PABPC4L: variants seen among roughly 807,000 people sequenced by gnomAD.
PABPC4L encodes the protein poly(A) binding protein cytoplasmic 4 like, also known as polyadenylate-binding protein 4-like.
For missense variants in PABPC4L, 452 were observed against 451.4 expected (o/e 1.00, Z -0.01); for synonymous variants, 169 against 164.1 (o/e 1.03, Z -0.23).
At chr4:134,094,132 G>T in the PABPC4L span, among the ~76,000 whole-genome samples, 1 of 151,756 alleles carries the variant, frequency 6.6e-6, no homozygotes, top group Admixed American at 6.6e-5. Flanking sequence ...ATTATTTTGG[G>T]TAACATAAAT....
At chr4:134,037,472 G>A in the PABPC4L span, among the ~76,000 whole-genome samples, 1 of 152,056 alleles carries the variant, frequency 6.6e-6, no homozygotes, top group Non-Finnish European at 1.5e-5. Context: ...GCTTGATGGT[G>A]TGCCAAGGAC....
At chr4:134,114,227 C>T in the PABPC4L span, among the ~76,000 whole-genome samples, 1 of 151,668 alleles carries the variant, frequency 6.6e-6, no homozygotes, top group African/African-American at 2.4e-5. Flanking sequence ...CTCTTCACAT[C>T]TGTCACACAG....
chr4:134,144,519 G>A, the PABPC4L span, among the ~76,000 whole-genome samples: 3 of 149,656 alleles, frequency 2.0e-5, no homozygotes, highest in African/African-American at 7.4e-5. Flanking sequence ...GACTGAAGCA[G>A]GGACACAGAA....
At chr4:134,189,830 A>T in the PABPC4L span, among the ~76,000 whole-genome samples, 2 of 151,906 alleles carry the variant, frequency 1.3e-5, no homozygotes, top group African/African-American at 4.8e-5. Context: ...TTGTGTATTT[A>T]CTTTCCCCTG....
the PABPC4L span, among the ~76,000 whole-genome samples, chr4:134,178,915 A>T: frequency 6.6e-6 from 1 of 152,278 alleles, no homozygotes; most frequent in Admixed American, 6.5e-5. Context: ...CACCAAATTT[A>T]TGACTCACTG....
At chr4:134,059,904 C>T in the PABPC4L span, among the ~76,000 whole-genome samples, 1 of 152,054 alleles carries the variant, frequency 6.6e-6, no homozygotes, top group African/African-American at 2.4e-5. Context: ...ATTCACAGTA[C>T]CTGGTTTTAA....
the PABPC4L span, among the ~76,000 whole-genome samples, chr4:134,052,272 T>C: frequency 6.6e-6 from 1 of 152,110 alleles, no homozygotes; most frequent in South Asian, 2.1e-4. Context: ...CAATATATTC[T>C]AAATTTAAAG....
At chr4:134,108,752 A>G in the PABPC4L span, among the ~76,000 whole-genome samples, 2 of 151,630 alleles carry the variant, frequency 1.3e-5, no homozygotes, top group Non-Finnish European at 3.0e-5. Flanking sequence ...CTAGACCCTG[A>G]TTTTTTTCTT....
At chr4:134,064,390 G>C in the PABPC4L span, among the ~76,000 whole-genome samples, 1 of 151,974 alleles carries the variant, frequency 6.6e-6, no homozygotes, top group South Asian at 2.1e-4. Context: ...TTATAATAAA[G>C]AGGCAAAGCA....
At chr4:134,035,424 G>A in the PABPC4L span, among the ~76,000 whole-genome samples, 1 of 120,832 alleles carries the variant, frequency 8.3e-6, no homozygotes, top group Non-Finnish European at 1.7e-5. Context: ...ACTGATGCTT[G>A]GTTATTAAGC....
the PABPC4L span, among the ~76,000 whole-genome samples, chr4:134,058,281 T>C: frequency 6.6e-6 from 1 of 152,084 alleles, no homozygotes; most frequent in African/African-American, 2.4e-5. Context: ...ATTTGTTGTT[T>C]TTCCAAAATT....
the PABPC4L span, among the ~76,000 whole-genome samples, chr4:134,081,962 C>T: frequency 3.9e-5 from 6 of 152,016 alleles, no homozygotes; most frequent in Admixed American, 3.3e-4. Flanking sequence ...ATTCAAAACT[C>T]CCTGTGTATA....
chr4:134,039,240 CA>C, the PABPC4L span, among the ~76,000 whole-genome samples: 2 of 152,110 alleles, frequency 1.3e-5, no homozygotes, highest in East Asian at 3.9e-4. Context: ...GTTTTACTTC[CA>C]TTTATGTGGT....
chr4:134,143,193 T>C, the PABPC4L span, among the ~76,000 whole-genome samples: 1 of 151,156 alleles, frequency 6.6e-6, no homozygotes, highest in African/African-American at 2.4e-5. Context: ...TTTACTATTA[T>C]GTAAAAATTC....
the PABPC4L span, among the ~76,000 whole-genome samples, chr4:134,130,831 A>G: frequency 1.3e-5 from 2 of 152,146 alleles, no homozygotes; most frequent in African/African-American, 4.8e-5. Context: ...CATATCAAAA[A>G]GATAATCCAC....
the PABPC4L span, among the ~76,000 whole-genome samples, chr4:133,981,665 ATACT>A: frequency 1.2e-4 from 19 of 152,158 alleles, no homozygotes; most frequent in South Asian, 4.2e-4. Context: ...AAGCTGAAAA[ATACT>A]TAATTATAGA....
the PABPC4L span, among the ~76,000 whole-genome samples, chr4:134,131,110 C>T: frequency 4.5e-3 from 684 of 152,166 alleles, 9 homozygotes; most frequent in African/African-American, 0.016. Flanking sequence ...AAGTTGAAAG[C>T]ATCCCCCCTG....
chr4:134,042,671 T>C, the PABPC4L span, among the ~76,000 whole-genome samples: 1 of 152,160 alleles, frequency 6.6e-6, no homozygotes, highest in African/African-American at 2.4e-5. Flanking sequence ...GTGCCTCTAA[T>C]TGGAGTTTTT....
At chr4:133,971,586 TCA>T in the PABPC4L span, among the ~76,000 whole-genome samples, 1 of 152,128 alleles carries the variant, frequency 6.6e-6, no homozygotes, top group Non-Finnish European at 1.5e-5. Flanking sequence ...TCAAATAATA[TCA>T]CTCAGCAACC....
Sources: gnomAD v4.1 joint callset for allele counts (sites outside exome capture counted in the v4.1 genomes callset) on GRCh38, gnomAD v4.1.1 for gene constraint, MANE v1.5 for transcripts, NCBI Gene and HGNC (gene_info 2026-07-23, HGNC 2026-07-21) for gene names.